Variants in ARB2A observed in about 807,000 individuals in gnomAD.
ARB2A encodes cotranscriptional regulator ARB2A.
chr5:93,873,474 G>A, the ARB2A span, among the ~76,000 whole-genome samples: 2 of 151,158 alleles, frequency 1.3e-5, no homozygotes, highest in Non-Finnish European at 2.9e-5. Flanking sequence ...GAAAGGGAAA[G>A]GAGAAAAAAA....
chr5:93,842,192 AC>A, the ARB2A span, among the ~76,000 whole-genome samples: 1 of 152,188 alleles, frequency 6.6e-6, no homozygotes, highest in African/African-American at 2.4e-5. Flanking sequence ...ACAAGAGGAA[AC>A]TTTTTGGGGG....
At chr5:93,967,891 C>A in the ARB2A span, among the ~76,000 whole-genome samples, 4 of 152,098 alleles carry the variant, frequency 2.6e-5, no homozygotes, top group East Asian at 7.7e-4. Flanking sequence ...AAGTTACCAC[C>A]ATATCAACAG....
At chr5:93,771,303 G>C in the ARB2A span, among the ~76,000 whole-genome samples, 1 of 151,502 alleles carries the variant, frequency 6.6e-6, no homozygotes, top group Admixed American at 6.6e-5. Flanking sequence ...CAAAAATTAA[G>C]TCAAGATGGA....
At chr5:94,047,179 T>C in the ARB2A span, among the ~76,000 whole-genome samples, 8 of 152,136 alleles carry the variant, frequency 5.3e-5, no homozygotes, top group South Asian at 2.1e-4. Context: ...CTGATCTAAA[T>C]AGAAACACTG....
chr5:93,766,054 C>G, the ARB2A span, among the ~76,000 whole-genome samples: 3 of 152,288 alleles, frequency 2.0e-5, no homozygotes, highest in Middle Eastern at 3.4e-3. Flanking sequence ...GCATTAAAGA[C>G]TTAAATGTTA....
chr5:93,961,760 T>C, the ARB2A span, among the ~76,000 whole-genome samples: 1 of 152,066 alleles, frequency 6.6e-6, no homozygotes, highest in East Asian at 1.9e-4. Context: ...GGCTACAAAT[T>C]AAGGTAGCCA....
At chr5:93,909,582 T>C in the ARB2A span, among the ~76,000 whole-genome samples, 1 of 150,500 alleles carries the variant, frequency 6.6e-6, no homozygotes, top group Non-Finnish European at 1.5e-5. Context: ...GCCCATAAAT[T>C]AGTTATAGTC....
the ARB2A span, among the ~76,000 whole-genome samples, chr5:93,867,414 G>T: frequency 6.6e-6 from 1 of 152,042 alleles, no homozygotes; most frequent in Non-Finnish European, 1.5e-5. Context: ...AGGAAGTTAC[G>T]TTTTATCTTA....
At chr5:93,715,138 AAAAATCTAC>A in the ARB2A span, among the ~76,000 whole-genome samples, 1 of 152,232 alleles carries the variant, frequency 6.6e-6, no homozygotes, top group Non-Finnish European at 1.5e-5. Context: ...CTTTTGTGAA[AAAAATCTAC>A]AAATACACTT....
chr5:93,746,562 C>T, the ARB2A span, among the ~76,000 whole-genome samples: 2 of 152,068 alleles, frequency 1.3e-5, no homozygotes, highest in Non-Finnish European at 2.9e-5. Context: ...AAAATGGCTG[C>T]TTTGTAATGC....
the ARB2A span, among the ~76,000 whole-genome samples, chr5:94,031,059 A>C: frequency 6.6e-6 from 1 of 152,238 alleles, no homozygotes; most frequent in African/African-American, 2.4e-5. Context: ...TCATAGCAAC[A>C]CAAAACAGAC....
At chr5:93,702,546 C>T in the ARB2A span, among the ~76,000 whole-genome samples, 1 of 152,214 alleles carries the variant, frequency 6.6e-6, no homozygotes, top group East Asian at 1.9e-4. Context: ...TTTGCTTATC[C>T]TTTTCATAGC....
At chr5:93,903,709 CTGTGTGTGTGTGTG>C in the ARB2A span, among the ~76,000 whole-genome samples, 113 of 144,446 alleles carry the variant, frequency 7.8e-4, no homozygotes, top group African/African-American at 2.8e-3. Flanking sequence ...TTCTATATAT[CTGTGTGTGTGTGTG>C]TGTGTGTGTG....
chr5:93,710,153 A>G, the ARB2A span, among the ~76,000 whole-genome samples: 4 of 152,352 alleles, frequency 2.6e-5, no homozygotes, highest in Middle Eastern at 3.4e-3. Flanking sequence ...TTACACAATA[A>G]GAGATCAGCC....
chr5:93,785,433 G>A, the ARB2A span, among the ~76,000 whole-genome samples: 3 of 151,668 alleles, frequency 2.0e-5, no homozygotes, highest in South Asian at 6.2e-4. Flanking sequence ...TTTATCATTT[G>A]CTGTTAATTT....
At chr5:94,052,670 A>T in the ARB2A span, among the ~76,000 whole-genome samples, 1 of 152,238 alleles carries the variant, frequency 6.6e-6, no homozygotes, top group Non-Finnish European at 1.5e-5. Context: ...TGAATTAATA[A>T]ATTTTAAAAC....
the ARB2A span, among the ~76,000 whole-genome samples, chr5:94,086,750 ACC>A: frequency 2.6e-5 from 4 of 152,052 alleles, no homozygotes; most frequent in Non-Finnish European, 5.9e-5. Context: ...ACGGGGTTTC[ACC>A]ACAGTGGCCA....
At chr5:94,010,242 C>T in the ARB2A span, among the ~76,000 whole-genome samples, 5 of 151,978 alleles carry the variant, frequency 3.3e-5, no homozygotes, top group Non-Finnish European at 7.4e-5. Context: ...TGATATATTG[C>T]GTCTTCATTT....
chr5:94,033,925 T>C, the ARB2A span, among the ~76,000 whole-genome samples: 4 of 152,214 alleles, frequency 2.6e-5, no homozygotes, highest in Admixed American at 6.5e-5. Context: ...GACTGGGTTA[T>C]TTCTCAGGAC....
Sources: gnomAD v4.1 joint callset for allele counts (sites outside exome capture counted in the v4.1 genomes callset) on GRCh38, gnomAD v4.1.1 for gene constraint, MANE v1.5 for transcripts, NCBI Gene and HGNC (gene_info 2026-07-23, HGNC 2026-07-21) for gene names.